The following ROBO2 variants were observed in gnomAD, a reference collection of about 807,000 sequenced individuals.
ROBO2 encodes roundabout guidance receptor 2.
A neutral mutation model predicts 160.8 loss-of-function variants in ROBO2; 53 were observed. That is an observed-to-expected ratio of 0.33 (90% CI 0.26 to 0.41). ROBO2 has a LOEUF of 0.41. Ranked by LOEUF, ROBO2 falls within the 10% of genes least tolerant of loss-of-function variation. The pLI is 1.00. For synonymous variants in ROBO2, 664 were observed against 611.7 expected (o/e 1.09, Z -1.26); for missense variants, 1,577 against 1,722.4 (o/e 0.92, Z 1.49).
At chr3:77,095,768 C>T (rs1172016394) in intron 1 of ROBO2, among the ~76,000 whole-genome samples, 1 of 151,632 alleles carries the variant, frequency 6.6e-6, no homozygotes, top group East Asian at 1.9e-4. Context: ...ACTTTGGGGT[C>T]TTTCTTGATT....
chr3:76,493,302 CT>C (rs986545831), intron 2 of ROBO2, among the ~76,000 whole-genome samples: 5 of 136,944 alleles, frequency 3.7e-5, no homozygotes, highest in African/African-American at 1.3e-4. Flanking sequence ...ATTAACATAT[CT>C]TAGCACTTGA....
intron 2 of ROBO2, among the ~76,000 whole-genome samples, chr3:76,796,515 G>GGAAA (rs2063713554): frequency 2.9e-5 from 2 of 68,334 alleles, no homozygotes; most frequent in African/African-American, 3.4e-4. Context: ...AAGGAAAGAA[G>GGAAA]GAAGGAAGGA....
Position 77,336,488 on chromosome 3 carries a change from C to T in ROBO2, c.389-140926C>T, listed in dbSNP as rs113509057. ...CTGCTCCTCCTCTTCTTCCTTTTAACCCATCTCTTTCTCCTCTTCCTCTTT... is the reference window on the plus strand; with the variant it reads ...CTGCTCCTCCTCTTCTTCCTTTTAATCCATCTCTTTCTCCTCTTCCTCTTT... On this transcript the variant is annotated intron_variant, in intron 2 of 25. Transcript: ENST00000461745. Among the ~76,000 whole-genome samples, 1,076 of 152,012 alleles carry T rather than the reference C, an allele frequency of 7.1e-3. 8 individuals are homozygous for T. Among genetic ancestry groups the T allele is most frequent in the Admixed American group, 0.011 (161 of 15,248 alleles).
chr3:76,414,167 C>G (rs1488962071), intron 2 of ROBO2, among the ~76,000 whole-genome samples: 1 of 152,160 alleles, frequency 6.6e-6, no homozygotes, highest in Non-Finnish European at 1.5e-5. Flanking sequence ...GTCCCTCTCA[C>G]AACATGGGGA....
intron 2 of ROBO2, among the ~76,000 whole-genome samples, chr3:76,639,904 T>C (rs1362915188): frequency 6.6e-6 from 1 of 152,168 alleles, no homozygotes; most frequent in African/African-American, 2.4e-5. Flanking sequence ...CTAATCTAAC[T>C]TTGAATAAGT....
chr3:77,242,046 C>T (rs2089125700), intron 2 of ROBO2, among the ~76,000 whole-genome samples: 2 of 152,116 alleles, frequency 1.3e-5, no homozygotes, highest in African/African-American at 4.8e-5. Context: ...TAGCAACTTA[C>T]TTTGATTTTC....
intron 2 of ROBO2, among the ~76,000 whole-genome samples, chr3:76,753,171 CAT>C (rs2060776945): frequency 6.6e-6 from 1 of 151,814 alleles, no homozygotes; most frequent in Admixed American, 6.6e-5. Flanking sequence ...TTTGGGAAGA[CAT>C]GTCAGAAAAG....
At chr3:77,420,168 G>T (rs908476574) in intron 2 of ROBO2, among the ~76,000 whole-genome samples, 2 of 151,872 alleles carry the variant, frequency 1.3e-5, no homozygotes, top group Non-Finnish European at 2.9e-5. Flanking sequence ...AAAATGAAAG[G>T]GTGTTCTCAG....
chr3:77,418,797 G>A (rs934276425), intron 2 of ROBO2, among the ~76,000 whole-genome samples: 1 of 152,032 alleles, frequency 6.6e-6, no homozygotes, highest in African/African-American at 2.4e-5. Context: ...TAAACTATGG[G>A]AGCACCTAGA....
intron 2 of ROBO2, among the ~76,000 whole-genome samples, chr3:77,241,910 C>A (rs2089103691): frequency 6.6e-6 from 1 of 152,116 alleles, no homozygotes. Flanking sequence ...GAAGCTTTGA[C>A]CATTTGTGAA....
intron 21 of ROBO2, among the ~76,000 whole-genome samples, chr3:77,613,086 T>C (rs1397973470): frequency 6.6e-6 from 1 of 152,238 alleles, no homozygotes; most frequent in African/African-American, 2.4e-5. Flanking sequence ...AATATTTATA[T>C]GGTTAGGCTC....
At chr3:76,366,454 A>G (rs1303330522) in intron 2 of ROBO2, among the ~76,000 whole-genome samples, 1 of 152,046 alleles carries the variant, frequency 6.6e-6, no homozygotes. Context: ...CCACTGAATA[A>G]AGGATTTATG....
At chr3:76,065,460 A>G (rs1292821923) in intron 2 of ROBO2, among the ~76,000 whole-genome samples, 1 of 152,032 alleles carries the variant, frequency 6.6e-6, no homozygotes, top group Non-Finnish European at 1.5e-5. Context: ...AATCGATACC[A>G]AAGATTGTTG....
intron 2 of ROBO2, among the ~76,000 whole-genome samples, chr3:75,951,403 C>T (rs1948530525): frequency 6.6e-6 from 1 of 152,070 alleles, no homozygotes. Context: ...TTCTCCCCTT[C>T]CTTCTCCTTC....
At position 76,211,613 on chromosome 3, in the gene ROBO2, T is replaced by C. The variant is rs147754700; in HGVS notation, c.109+274011T>C. Among the ~76,000 whole-genome samples the C allele has an allele frequency of 3.8e-3, 577 of 152,216 alleles. 2 individuals carry two copies. Among genetic ancestry groups the C allele is most frequent in the Non-Finnish European group, 6.4e-3 (438 of 67,934 alleles). ...CATCATAGAAGACAAATCATAATTA[T>C]GGAGAATAATTAAATGCTTATCTAC... On this transcript the variant is annotated intron_variant, in intron 2 of 26. Coordinates refer to the ROBO2 transcript ENST00000487694.
At chr3:76,428,699 G>C (rs2076316846) in intron 2 of ROBO2, among the ~76,000 whole-genome samples, 1 of 151,970 alleles carries the variant, frequency 6.6e-6, no homozygotes, top group African/African-American at 2.4e-5. Flanking sequence ...TATTAGATTT[G>C]GTTTTACATT....
At chr3:76,446,379 C>A (rs191509298) in intron 2 of ROBO2, among the ~76,000 whole-genome samples, 1 of 152,024 alleles carries the variant, frequency 6.6e-6, no homozygotes, top group Non-Finnish European at 1.5e-5. Flanking sequence ...CACTGCTCAA[C>A]GAAATAGAAG....
chr3:77,602,173 C>T, intron 19 of ROBO2, 37 bp from the exon 21 acceptor site: 1 of 1,612,062 alleles, frequency 6.2e-7, no homozygotes, highest in Non-Finnish European at 8.5e-7. Flanking sequence ...CTTCCGGTGC[C>T]TCATTAAATT....
intron 2 of ROBO2, among the ~76,000 whole-genome samples, chr3:76,372,617 A>G (rs769858769): frequency 2.2e-4 from 33 of 151,970 alleles, no homozygotes; most frequent in Non-Finnish European, 4.0e-4. Flanking sequence ...AACATTGAGC[A>G]TAGAAATTGA....
Sources: allele counts gnomAD v4.1 joint callset (sites outside exome capture counted in the v4.1 genomes callset), GRCh38; gene constraint gnomAD v4.1.1; transcripts MANE v1.5; gene names NCBI Gene and HGNC (gene_info 2026-07-23, HGNC 2026-07-21).